Variants in ZBTB20 observed in about 807,000 individuals in gnomAD.
The protein encoded by ZBTB20 is zinc finger and BTB domain containing 20.
A neutral mutation model predicts 56.9 loss-of-function variants in ZBTB20; 9 were observed. The observed-to-expected ratio is 0.16, with a 90% CI of 0.10 to 0.28. The LOEUF is 0.28. Ranked by LOEUF, ZBTB20 falls within the 10% of genes least tolerant of loss-of-function variation. ZBTB20 has a pLI of 1.00. For missense variants in ZBTB20, 655 were observed against 1,003.0 expected (o/e 0.65, Z 4.69); for synonymous variants, 417 against 420.7 (o/e 0.99, Z 0.11).
chr3:114,657,173 T>G (rs1321697102), intron 6 of ZBTB20, among the ~76,000 whole-genome samples: 1 of 152,232 alleles, frequency 6.6e-6, no homozygotes, highest in Non-Finnish European at 1.5e-5. Context: ...AATGCATTTT[T>G]CTTCTAGCAG....
intron 11 of ZBTB20, among the ~76,000 whole-genome samples, chr3:114,349,654 C>T (rs543101032): frequency 6.6e-6 from 1 of 152,208 alleles, no homozygotes; most frequent in Non-Finnish European, 1.5e-5. Context: ...TCTAGTTCCA[C>T]CTTTTGGAGC....
intron 3 of ZBTB20, among the ~76,000 whole-genome samples, chr3:114,967,956 CA>C (rs556742631): frequency 0.13 from 13,054 of 99,798 alleles, 1,556 homozygotes; most frequent in African/African-American, 0.36. Context: ...GACTCTGTCT[CA>C]AAAAAAAAAA....
At chr3:114,540,727 T>C (rs2049015986) in intron 6 of ZBTB20, among the ~76,000 whole-genome samples, 1 of 152,180 alleles carries the variant, frequency 6.6e-6, no homozygotes, top group Non-Finnish European at 1.5e-5. Context: ...TCTAGTGTCA[T>C]CTTCAATATA....
chr3:114,434,172 C>T (rs1470968496), intron 7 of ZBTB20, among the ~76,000 whole-genome samples: 1 of 151,980 alleles, frequency 6.6e-6, no homozygotes, highest in African/African-American at 2.4e-5. Context: ...CAGTTTTTTA[C>T]CCATTCCAGA....
At chr3:114,561,060 A>C (rs1449359558) in intron 6 of ZBTB20, among the ~76,000 whole-genome samples, 1 of 152,216 alleles carries the variant, frequency 6.6e-6, no homozygotes, top group Non-Finnish European at 1.5e-5. Context: ...TGCTTTGCTC[A>C]CCCATAAGAA....
intron 1 of ZBTB20, chr3:115,144,885 T>C (rs2084919235): frequency 6.6e-6 from 1 of 152,220 alleles, no homozygotes; most frequent in Admixed American, 6.5e-5. Flanking sequence ...GCACAAGGCC[T>C]GTATTCCACT....
intron 10 of ZBTB20, among the ~76,000 whole-genome samples, chr3:114,353,716 T>C (rs115857140): frequency 0.013 from 1,954 of 152,298 alleles, 41 homozygotes; most frequent in African/African-American, 0.044. Flanking sequence ...CATACATACA[T>C]ACCATGATAG....
chr3:114,343,230 C>T (rs2079926995), intron 11 of ZBTB20, among the ~76,000 whole-genome samples: 1 of 151,972 alleles, frequency 6.6e-6, no homozygotes, highest in Admixed American at 6.6e-5. Flanking sequence ...CAAGTAAAAG[C>T]CATCCTAATG....
intron 2 of ZBTB20, among the ~76,000 whole-genome samples, chr3:114,981,670 T>A (rs1024724421): frequency 6.6e-6 from 1 of 152,062 alleles, no homozygotes; most frequent in East Asian, 1.9e-4. Flanking sequence ...AGGTAGGTAA[T>A]ATCATCATAC....
In ZBTB20 at chr3:114,333,465, T is replaced by C. The variant is rs2079337811; in HGVS notation, c.*5540A>G. On this transcript the variant is annotated 3_prime_UTR_variant, in exon 12 of 12. Coordinates refer to ENST00000675478, the MANE Select transcript of ZBTB20 (RefSeq NM_001348800.3). ...ACAAAGAGGGGAAAGAGGCTGCTGC[T>C]GTTCCAGTGGGAAGTTATGTCTAGC... is the stretch of plus-strand genomic sequence containing the variant. 6.6e-6 allele frequency: 1 copy of C among 152,202 alleles called. No individual in the cohort carries two copies. The highest frequency in any genetic ancestry group is 1.5e-5 in the Non-Finnish European group (1 of 68,056). The allele number at this position is 152,202 out of a possible 1,614,324, so 9.4% of individuals were successfully genotyped here. A position where few individuals can be genotyped will look rare whatever the true frequency, so the allele number is the denominator to read the frequency against.
At chr3:114,868,244 A>T (rs1281225920) in intron 4 of ZBTB20, among the ~76,000 whole-genome samples, 1 of 152,164 alleles carries the variant, frequency 6.6e-6, no homozygotes, top group Non-Finnish European at 1.5e-5. Context: ...CCCCAAAGTA[A>T]CCACAGCTGA....
At chr3:114,428,444 G>A (rs1373725280) in intron 7 of ZBTB20, among the ~76,000 whole-genome samples, 1 of 152,230 alleles carries the variant, frequency 6.6e-6, no homozygotes, top group East Asian at 1.9e-4. Flanking sequence ...TTGCACCAAA[G>A]AGGAAGTGCC....
At chr3:115,034,232 G>A (rs531179712) in intron 2 of ZBTB20, among the ~76,000 whole-genome samples, 13 of 151,668 alleles carry the variant, frequency 8.6e-5, no homozygotes, top group African/African-American at 2.9e-4. Context: ...AGTCAGAGCA[G>A]TTAATTAGGA....
intron 7 of ZBTB20, among the ~76,000 whole-genome samples, chr3:114,396,952 T>C (rs1340588759): frequency 6.6e-6 from 1 of 152,150 alleles, no homozygotes; most frequent in Non-Finnish European, 1.5e-5. Context: ...ACCCAGCTAT[T>C]GAACTCACTT....
At chr3:114,353,388 A>T (rs2080884628) in intron 10 of ZBTB20, among the ~76,000 whole-genome samples, 1 of 152,216 alleles carries the variant, frequency 6.6e-6, no homozygotes, top group African/African-American at 2.4e-5. Context: ...TGCTTCACTC[A>T]ATCACCCTCA....
intron 4 of ZBTB20, among the ~76,000 whole-genome samples, chr3:114,825,626 G>A (rs752527184): frequency 7.2e-5 from 11 of 151,892 alleles, no homozygotes; most frequent in East Asian, 1.9e-4. Context: ...TAGCATCATC[G>A]CAAAGCGACA....
At chr3:114,576,450 C>A (rs2054041948) in intron 6 of ZBTB20, among the ~76,000 whole-genome samples, 1 of 120,490 alleles carries the variant, frequency 8.3e-6, no homozygotes, top group Non-Finnish European at 1.6e-5. Context: ...TGCAGTGAGT[C>A]GAGATCGCGC....
At position 115,043,462 on chromosome 3, in the gene ZBTB20, G is replaced by A. The variant is rs535520115; in HGVS notation, c.-507+27757C>T. Among the ~76,000 whole-genome samples the A allele has an allele frequency of 2.6e-3, 393 of 151,318 alleles. 2 individuals carry two copies. Among genetic ancestry groups the A allele is most frequent in the African/African-American group, 9.3e-3 (384 of 41,318 alleles). ...CAGCCGCCTGTAATCCCAGCTACTC[G>A]GGAGGCTGAGGCAAGAGACTCGCTT... On this transcript the variant is annotated intron_variant, in intron 2 of 11. Transcript: ENST00000675478.
chr3:115,102,975 A>T (rs2083624842), intron 1 of ZBTB20: 1 of 152,174 alleles, frequency 6.6e-6, no homozygotes, highest in African/African-American at 2.4e-5. Flanking sequence ...AAATTAAAAA[A>T]AAAAAAGGTG....
Sources: gnomAD v4.1 joint callset for allele counts (sites outside exome capture counted in the v4.1 genomes callset) on GRCh38, gnomAD v4.1.1 for gene constraint, MANE v1.5 for transcripts, NCBI Gene and HGNC (gene_info 2026-07-23, HGNC 2026-07-21) for gene names.